The following DIAPH1 variants were observed in gnomAD, a reference collection of about 807,000 sequenced individuals.
DIAPH1 encodes the protein protein diaphanous homolog 1.
Under a neutral mutation model 140.7 loss-of-function variants are expected in DIAPH1, and 46 were observed. The ratio of observed to expected loss-of-function variants is 0.33; its 90% confidence interval spans 0.26 to 0.42. DIAPH1 has a LOEUF of 0.42. Among genes scored for constraint, DIAPH1 ranks in the 10% least tolerant of loss-of-function variants. The probability of loss-of-function intolerance (pLI) is 1.00; values close to 1 mark genes in which losing one functional copy is unlikely to be tolerated. For synonymous variants in DIAPH1, 565 were observed against 551.6 expected, an observed-to-expected ratio of 1.02 and a Z score of -0.34; for missense variants, 1,310 against 1,558.7, an observed-to-expected ratio of 0.84 and a Z score of 2.69.
chr5:141,546,202 C>T (rs1189301935), intron 18 of DIAPH1, among the ~76,000 whole-genome samples: 2 of 151,942 alleles, frequency 1.3e-5, no homozygotes, highest in South Asian at 2.1e-4. Context: ...GCCAACATGG[C>T]GAAACCCTGT....
At chr5:141,592,037 G>A (rs2099898563) in intron 1 of DIAPH1, among the ~76,000 whole-genome samples, 1 of 147,318 alleles carries the variant, frequency 6.8e-6, no homozygotes, top group Non-Finnish European at 1.5e-5. Flanking sequence ...AGCCGAGATC[G>A]CACCACTGCA....
intron 27 of DIAPH1, among the ~76,000 whole-genome samples, chr5:141,517,426 A>G (rs2099885857): frequency 6.6e-6 from 1 of 152,114 alleles, no homozygotes; most frequent in Non-Finnish European, 1.5e-5. Flanking sequence ...GTCCCAGGAA[A>G]CTCCTAGGCC....
At chr5:141,608,140 T>G (rs909110213) in intron 1 of DIAPH1, among the ~76,000 whole-genome samples, 24 of 152,118 alleles carry the variant, frequency 1.6e-4, no homozygotes, top group African/African-American at 5.8e-4. Flanking sequence ...TCTTAATCTA[T>G]AAAGTAAAGG....
rs2154595017 is a variant in DIAPH1, at chr5:141,529,278, AAGAC to A, written c.2677-9_2677-6del. On this transcript the variant is annotated splice_polypyrimidine_tract_variant and splice_region_variant and intron_variant, in intron 20 of 27. Coordinates refer to ENST00000389054, the MANE Select transcript of DIAPH1 (RefSeq NM_005219.5). ...TGGCATTTGCTTAATGAGGTTCTGA[AAGAC>A]AGAAGAGACATCTCAGCTGGAGGGG... The A allele has an allele frequency of 1.2e-6, 2 of 1,612,058 alleles. No homozygotes were observed. The highest frequency in any genetic ancestry group is 1.7e-4 in the Middle Eastern group (1 of 6,058).
chr5:141,613,839 G>T (rs1251961831), intron 1 of DIAPH1, among the ~76,000 whole-genome samples: 3 of 152,036 alleles, frequency 2.0e-5, no homozygotes, highest in Non-Finnish European at 4.4e-5. Context: ...TTCAATTTTA[G>T]CTTAAAAGTT....
chr5:141,577,612 A>T (rs750734235), intron 11 of DIAPH1, 21 bp from the exon 12 acceptor site: 1 of 1,472,182 alleles, frequency 6.8e-7, no homozygotes, highest in Admixed American at 1.7e-5. Context: ...GAAATAGGCT[A>T]AGGAAAGCAA....
chr5:141,596,081 G>A (rs557217845), intron 1 of DIAPH1, among the ~76,000 whole-genome samples: 28 of 152,326 alleles, frequency 1.8e-4, no homozygotes, highest in African/African-American at 6.7e-4. Context: ...TGTAATCCCA[G>A]CACTTTGGGA....
chr5:141,560,414 T>C (rs564168771), intron 18 of DIAPH1, among the ~76,000 whole-genome samples: 4 of 152,362 alleles, frequency 2.6e-5, no homozygotes, highest in Admixed American at 2.6e-4. Context: ...GCTCAAATTC[T>C]GGCTTGGTGT....
chr5:141,516,708 G>A lies in DIAPH1; in HGVS notation c.*143C>T. On this transcript the variant is annotated 3_prime_UTR_variant, in exon 28 of 28. Coordinates refer to ENST00000389054, the MANE Select transcript of DIAPH1 (RefSeq NM_005219.5). ...TGAAGCTGTATGTGATGTTGAGAGA[G>A]CAGCAGGCCAGAGAGAAAGACAGGG... The A allele has an allele frequency of 1.1e-6, 1 of 885,630 alleles. No homozygotes were observed. Among genetic ancestry groups the A allele is most frequent in the South Asian group, 1.4e-5 (1 of 69,014 alleles). The allele number at this position is 885,630 out of a possible 1,614,324, so 54.9% of individuals were successfully genotyped here. A position where few individuals can be genotyped will look rare whatever the true frequency, so the allele number is the denominator to read the frequency against.
At chr5:141,580,700 G>A in intron 8 of DIAPH1, 44 bp downstream of exon 8, 1 of 1,607,412 alleles carries the variant, frequency 6.2e-7, no homozygotes, top group African/African-American at 1.3e-5. Flanking sequence ...AAGAGAAAAT[G>A]ATAAAATTGA....
intron 18 of DIAPH1, among the ~76,000 whole-genome samples, chr5:141,545,747 T>C (rs893658464): frequency 4.6e-5 from 7 of 152,188 alleles, no homozygotes; most frequent in African/African-American, 1.7e-4. Flanking sequence ...TATTTTAGGC[T>C]TTGTGGACCA....
chr5:141,606,741 C>T (rs2099901038), intron 1 of DIAPH1, among the ~76,000 whole-genome samples: 1 of 152,022 alleles, frequency 6.6e-6, no homozygotes, highest in Non-Finnish European at 1.5e-5. Context: ...ATCCTACAGA[C>T]ATGTTCTTTC....
At chr5:141,576,441 T>C (rs901810532) in intron 13 of DIAPH1, 147 bp from the exon 14 acceptor site, 2 of 773,016 alleles carry the variant, frequency 2.6e-6, no homozygotes, top group Non-Finnish European at 4.4e-6. Context: ...GAACTTTCAG[T>C]TAAGTTCAAC....
intron 18 of DIAPH1, among the ~76,000 whole-genome samples, chr5:141,550,997 C>T (rs2099891599): frequency 6.6e-6 from 1 of 152,128 alleles, no homozygotes; most frequent in Non-Finnish European, 1.5e-5. Context: ...AGATAAAAGA[C>T]AAATGAATGC....
Position 141,565,004 on chromosome 5 carries a change from ATTTTAT to A in DIAPH1, c.2482+6418_2482+6423del, listed in dbSNP as rs1350797509. The A allele has an allele frequency of 2.0e-5, 3 of 152,178 alleles. No individual in the cohort carries two copies. Among genetic ancestry groups the A allele is most frequent in the Non-Finnish European group, 4.4e-5 (3 of 68,016 alleles). 9.4% of individuals were successfully genotyped at this position (152,178 alleles called of 1,614,324 possible). A position where few individuals can be genotyped will look rare whatever the true frequency, so the allele number is the denominator to read the frequency against. ...TATACCTAGCAACTTGGGCCCACAG[ATTTTAT>A]TTTTAAGAATTTACTGTGCAGAAAT... On this transcript the variant is annotated intron_variant, in intron 18 of 27. Transcript: ENST00000389054. The surrounding 1 kb of genome is among the most constrained non-coding windows in gnomAD (Gnocchi z 4.3).
chr5:141,570,147 TG>T (rs1159313943), intron 18 of DIAPH1, among the ~76,000 whole-genome samples: 1 of 120,734 alleles, frequency 8.3e-6, no homozygotes, highest in East Asian at 2.3e-4. Flanking sequence ...AATAAAAAGA[TG>T]GGGATGGGGG....
At chr5:141,550,968 C>T (rs1185575284) in intron 18 of DIAPH1, among the ~76,000 whole-genome samples, 1 of 152,116 alleles carries the variant, frequency 6.6e-6, no homozygotes. Flanking sequence ...AGGAACTGTT[C>T]CCAATTAAAT....
intron 24 of DIAPH1, 31 bp downstream of exon 24, chr5:141,527,542 G>A (rs950893838): frequency 1.2e-6 from 2 of 1,611,412 alleles, no homozygotes; most frequent in Non-Finnish European, 1.7e-6. Flanking sequence ...CCCTTCCTAG[G>A]GAACAACTCC....
intron 23 of DIAPH1, 116 bp from the exon 24 acceptor site, chr5:141,527,813 A>ACAT: frequency 8.1e-7 from 1 of 1,242,124 alleles, no homozygotes. Context: ...GTCTATACAC[A>ACAT]CATTCTGGTA....
Sources: gnomAD v4.1 joint callset for allele counts (sites outside exome capture counted in the v4.1 genomes callset) on GRCh38, gnomAD v4.1.1 for gene constraint, Gnocchi (gnomAD v3.1) non-coding constraint, MANE v1.5 for transcripts, NCBI Gene and HGNC (gene_info 2026-07-23, HGNC 2026-07-21) for gene names.